The following EP400 variants were observed in gnomAD, a reference collection of about 807,000 sequenced individuals.
EP400 encodes E1A binding protein p400.
A neutral mutation model predicts 354.1 loss-of-function variants in EP400; 105 were observed. The observed-to-expected ratio is 0.30, with a 90% CI of 0.25 to 0.35. The LOEUF is 0.35. EP400 is among the 10% of genes least tolerant of loss of function. The pLI is 1.00. For synonymous variants in EP400, 1,646 were observed against 1,716.9 expected (o/e 0.96, Z 1.02); for missense variants, 3,280 against 4,121.0 (o/e 0.80, Z 5.59).
intron 12 of EP400, among the ~76,000 whole-genome samples, chr12:132,001,840 G>A (rs1043552424): frequency 1.8e-4 from 28 of 152,146 alleles, no homozygotes; most frequent in Admixed American, 1.7e-3. Context: ...ATTATAGAGC[G>A]AGGATTATTA....
At position 132,077,762 on chromosome 12, in the gene EP400, C is replaced by T. The variant is rs1896281998; in HGVS notation, c.*89C>T. 2.9e-6 allele frequency: 4 copies of T among 1,398,838 alleles called. No individual in the cohort carries two copies. The highest frequency in any genetic ancestry group is 3.8e-6 in the Non-Finnish European group (4 of 1,053,826). The allele number at this position is 1,398,838 out of a possible 1,614,324, so 86.7% of individuals were successfully genotyped here. A position where few individuals can be genotyped will look rare whatever the true frequency, so the allele number is the denominator to read the frequency against. On this transcript the variant is annotated 3_prime_UTR_variant, in exon 53 of 53. Transcript: ENST00000389561. ...TAGTGAACCTTGGGACCATGTCACG[C>T]AAGAGATTCAGCACTGGGAAAGATA...
At chr12:131,960,470 G>C in intron 1 of EP400, 115 bp from the exon 2 acceptor site, 1 of 1,037,954 alleles carries the variant, frequency 9.6e-7, no homozygotes, top group Non-Finnish European at 1.4e-6. Flanking sequence ...CAGCTCTGTC[G>C]TTTGAATCAG....
At position 131,960,604 on chromosome 12, in the gene EP400, C is replaced by T; in HGVS notation, c.-16C>T. ...TTTTAGGAGAACGACACATTGGATA[C>T]AGAAGGGAGGTGATCATGCACCATG... On this transcript the variant is annotated 5_prime_UTR_variant, in exon 2 of 53. Transcript: ENST00000389561. 1 of 1,574,502 alleles carries T rather than the reference C, an allele frequency of 6.4e-7. No homozygotes were observed. The highest frequency in any genetic ancestry group is 8.6e-7 in the Non-Finnish European group (1 of 1,160,566).
chr12:132,033,137 G>A (rs777762626), intron 30 of EP400, among the ~76,000 whole-genome samples: 1 of 151,048 alleles, frequency 6.6e-6, no homozygotes, highest in Admixed American at 6.6e-5. Context: ...TAGTAGAAAC[G>A]GGGTTTCACC....
rs781739492 is a variant in EP400 at position 132,025,031 on chromosome 12, G to A, written c.4856-615G>A. ...AGAACAAGGCCTGCCACAGAGAAAC[G>A]ATTCAGTCTGGTTTACTTCCTTTTT... On this transcript the variant is annotated intron_variant, in intron 24 of 52. Coordinates refer to ENST00000389561, the MANE Select transcript of EP400 (RefSeq NM_015409.5). This position sits in a 1 kb window ranked among gnomAD's most constrained non-coding sequence, Gnocchi z 4.1. Among the ~76,000 whole-genome samples, 1 of 151,948 alleles carries A rather than the reference G, an allele frequency of 6.6e-6. No individual in the cohort carries two copies. The highest frequency in any genetic ancestry group is 1.5e-5 in the Non-Finnish European group (1 of 67,984).
At chr12:131,951,065 A>ATTTTTTTTTTTTTTTTTTTTTT (rs750396319) in intron 1 of EP400, among the ~76,000 whole-genome samples, 1 of 104,200 alleles carries the variant, frequency 9.6e-6, no homozygotes, top group Admixed American at 1.0e-4. Context: ...ACGCCTGGCT[A>ATTTTTTTTTTTTTTTTTTTTTT]TTTTTTTTTT....
intron 2 of EP400, among the ~76,000 whole-genome samples, chr12:131,978,481 T>C (rs60033396): frequency 0.13 from 19,184 of 152,224 alleles, 1,654 homozygotes; most frequent in African/African-American, 0.25. Context: ...GTTAGGATCA[T>C]GTAGCATGTC....
chr12:131,975,289 C>G (rs1288983427), intron 2 of EP400, among the ~76,000 whole-genome samples: 1 of 152,138 alleles, frequency 6.6e-6, no homozygotes, highest in Non-Finnish European at 1.5e-5. Context: ...TCCGTGTGTT[C>G]ATGTAGATAT....
At chr12:131,998,340 TA>T (rs1893286228) in intron 12 of EP400, among the ~76,000 whole-genome samples, 1 of 152,174 alleles carries the variant, frequency 6.6e-6, no homozygotes, top group Non-Finnish European at 1.5e-5. Context: ...GATTAGAATT[TA>T]ATTGCATTAA....
chr12:131,986,847 G>A (rs1340550279), intron 6 of EP400, 40 bp downstream of exon 6: 2 of 1,553,782 alleles, frequency 1.3e-6, no homozygotes, highest in Admixed American at 1.9e-5. Context: ...TACTCCAGTT[G>A]GTGAAGCACA....
chr12:132,023,666 G>GC (rs1894202451), intron 23 of EP400, 111 bp from the exon 24 acceptor site: 1 of 914,180 alleles, frequency 1.1e-6, no homozygotes, highest in Non-Finnish European at 1.6e-6. Context: ...TTTCTGTGGT[G>GC]CTTCAGTTTA....
At chr12:132,022,022 T>C (rs1256053209) in intron 23 of EP400, among the ~76,000 whole-genome samples, 1 of 152,216 alleles carries the variant, frequency 6.6e-6, no homozygotes, top group African/African-American at 2.4e-5. Flanking sequence ...CCAAATTATG[T>C]GGAGGCCTTT....
intron 1 of EP400, 114 bp from the exon 2 acceptor site, chr12:131,960,471 T>A: frequency 9.6e-7 from 1 of 1,045,950 alleles, no homozygotes; most frequent in Non-Finnish European, 1.4e-6. Flanking sequence ...AGCTCTGTCG[T>A]TTGAATCAGA....
intron 45 of EP400, among the ~76,000 whole-genome samples, chr12:132,056,648 G>A (rs1312925711): frequency 4.6e-5 from 7 of 152,176 alleles, no homozygotes; most frequent in Non-Finnish European, 1.5e-5. Flanking sequence ...AGCCAAAACA[G>A]TAGCATTTCT....
intron 45 of EP400, among the ~76,000 whole-genome samples, chr12:132,055,484 GGTGTGTGTGAGGTGTAGGT>G (rs1306595782): frequency 5.9e-5 from 8 of 136,182 alleles, no homozygotes; most frequent in Admixed American, 4.4e-4. Context: ...GAGGTGTAGG[GGTGTGTGTGAGGTGTAGGT>G]GTGTGTGTGT....
At chr12:132,063,998 C>G (rs981550756) in intron 47 of EP400, among the ~76,000 whole-genome samples, 5 of 149,282 alleles carry the variant, frequency 3.3e-5, no homozygotes, top group African/African-American at 1.2e-4. Context: ...GGTACCTTGT[C>G]ACCTGCCCCG....
At chr12:131,983,516 A>G (rs915874102) in intron 5 of EP400, among the ~76,000 whole-genome samples, 3 of 152,252 alleles carry the variant, frequency 2.0e-5, no homozygotes, top group Non-Finnish European at 2.9e-5. Context: ...GCCAGCCGTC[A>G]ACAGGGCACT....
intron 1 of EP400, among the ~76,000 whole-genome samples, chr12:131,958,404 C>T (rs1320970685): frequency 1.1e-4 from 16 of 152,180 alleles, no homozygotes; most frequent in Admixed American, 1.0e-3. Flanking sequence ...ACCATCTGAT[C>T]AAAGCATGCC....
At chr12:132,046,966 A>G (rs1013262731) in intron 39 of EP400, among the ~76,000 whole-genome samples, 2 of 152,218 alleles carry the variant, frequency 1.3e-5, no homozygotes, top group Middle Eastern at 3.2e-3. Flanking sequence ...ATCTTCTTGC[A>G]TGGAACAGGG....
Sources: allele counts gnomAD v4.1 joint callset (sites outside exome capture counted in the v4.1 genomes callset), GRCh38; gene constraint gnomAD v4.1.1; non-coding constraint Gnocchi (gnomAD v3.1); transcripts MANE v1.5; gene names NCBI Gene and HGNC (gene_info 2026-07-23, HGNC 2026-07-21).